The following COL21A1 variants were observed in gnomAD, a reference collection of about 807,000 sequenced individuals.
COL21A1 encodes collagen alpha-1(XXI) chain.
A neutral mutation model predicts 137.9 loss-of-function variants in COL21A1; 149 were observed. That is an observed-to-expected ratio of 1.08 (90% confidence interval 0.95 to 1.24). COL21A1 has a LOEUF of 1.24. Among genes scored for constraint, COL21A1 ranks in the 50% most tolerant of loss-of-function variants. COL21A1 has a pLI of 0.00. For synonymous variants in COL21A1, 456 were observed against 391.5 expected (o/e 1.16, Z -1.95); for missense variants, 1,167 against 1,158.4 (o/e 1.01, Z -0.11).
intron 16 of COL21A1, among the ~76,000 whole-genome samples, chr6:56,105,306 T>G (rs986879540): frequency 6.6e-6 from 1 of 152,172 alleles, no homozygotes; most frequent in Non-Finnish European, 1.5e-5. Context: ...AATAAGAGCC[T>G]TTGTGAAAAT....
intron 1 of COL21A1, among the ~76,000 whole-genome samples, chr6:56,238,155 T>A (rs1021224567): frequency 3.9e-5 from 6 of 152,018 alleles, no homozygotes; most frequent in Non-Finnish European, 7.4e-5. Context: ...CAGCAATTGA[T>A]TAGGGCTGGG....
intron 1 of COL21A1, among the ~76,000 whole-genome samples, chr6:56,225,531 G>A (rs9464363): frequency 0.014 from 2,092 of 152,110 alleles, 46 homozygotes; most frequent in African/African-American, 0.047. Context: ...CCTGGTATTT[G>A]GCTGCCTACA....
chr6:56,087,556 T>C (rs556665918), intron 17 of COL21A1, among the ~76,000 whole-genome samples: 4 of 152,254 alleles, frequency 2.6e-5, no homozygotes, highest in Admixed American at 2.0e-4. Context: ...ATGGAACCAA[T>C]CCAGAAAAAG....
intron 10 of COL21A1, among the ~76,000 whole-genome samples, chr6:56,146,549 C>T (rs916517266): frequency 3.3e-5 from 5 of 152,028 alleles, no homozygotes; most frequent in East Asian, 1.9e-4. Flanking sequence ...TAAAATTACA[C>T]CTGAGCTAAG....
intron 1 of COL21A1, among the ~76,000 whole-genome samples, chr6:56,344,476 C>CATT (rs1379196838): frequency 6.6e-6 from 1 of 152,066 alleles, no homozygotes; most frequent in Non-Finnish European, 1.5e-5. Flanking sequence ...TACAAAACAA[C>CATT]ATTTTTCTGT....
chr6:56,195,824 TC>T lies in COL21A1; in HGVS notation c.-38-13169del, dbSNP rs1226280960. On this transcript the variant is annotated intron_variant, in intron 1 of 29. Transcript: ENST00000244728. ...TTAAAAGGAGAATTAATGCCAATTCTCCCCAAACTCTTCCAAAAAATTAAAG... is the reference window on the plus strand; with the variant it reads ...TTAAAAGGAGAATTAATGCCAATTCTCCCAAACTCTTCCAAAAAATTAAAG... Among the ~76,000 whole-genome samples the T allele has an allele frequency of 2.6e-5, 4 of 152,090 alleles. No individual in the cohort carries two copies. In the South Asian group the frequency reaches 8.3e-4, roughly 32 times the overall value.
At chr6:56,190,019 A>C (rs1778554627) in intron 1 of COL21A1, among the ~76,000 whole-genome samples, 1 of 152,154 alleles carries the variant, frequency 6.6e-6, no homozygotes, top group Non-Finnish European at 1.5e-5. Context: ...AAAAACATAC[A>C]CAATTGTAAA....
intron 18 of COL21A1, among the ~76,000 whole-genome samples, chr6:56,076,596 T>A (rs1486938789): frequency 6.6e-6 from 1 of 151,360 alleles, no homozygotes; most frequent in Non-Finnish European, 1.5e-5. Flanking sequence ...GTGTTTATCA[T>A]TTTTAAAAAA....
chr6:56,077,712 A>G (rs1032324934), intron 17 of COL21A1, 139 bp from the exon 18 acceptor site: 16 of 560,454 alleles, frequency 2.9e-5, no homozygotes, highest in Non-Finnish European at 4.3e-5. Flanking sequence ...TGCTATTTGT[A>G]ATAATCCAAT....
At chr6:56,238,414 C>T (rs909970259) in intron 1 of COL21A1, among the ~76,000 whole-genome samples, 55 of 145,506 alleles carry the variant, frequency 3.8e-4, no homozygotes, top group Admixed American at 1.0e-3. Context: ...GATGCTGAAA[C>T]TCGGGGCAGT....
chr6:56,122,545 A>T (rs1772646007), intron 16 of COL21A1, among the ~76,000 whole-genome samples: 1 of 152,146 alleles, frequency 6.6e-6, no homozygotes, highest in African/African-American at 2.4e-5. Context: ...CTAAAAATTG[A>T]CTCTAATGAG....
chr6:56,057,224 A>G lies in COL21A1; in HGVS notation c.*433T>C, dbSNP rs2114009745. The G allele has an allele frequency of 4.2e-6, 1 of 239,522 alleles. No homozygotes were observed. Among genetic ancestry groups the G allele is most frequent in the Non-Finnish European group, 8.0e-6 (1 of 124,848 alleles). The allele number at this position is 239,522 out of a possible 1,614,324, so 14.8% of individuals were successfully genotyped here. On this transcript the variant is annotated 3_prime_UTR_variant, in exon 30 of 30. Coordinates refer to ENST00000244728, the MANE Select transcript of COL21A1 (RefSeq NM_030820.4). ...AATATCAGCCCTGATCTTACTTCCA[A>G]TGATGAGATACATGTTTTGGCTTAT...
At chr6:56,165,098 C>T (rs922034647) in intron 7 of COL21A1, among the ~76,000 whole-genome samples, 5 of 151,840 alleles carry the variant, frequency 3.3e-5, no homozygotes, top group African/African-American at 7.3e-5. Context: ...AATAGCCATG[C>T]AAGATTAAAA....
intron 1 of COL21A1, among the ~76,000 whole-genome samples, chr6:56,243,060 A>G (rs533743485): frequency 2.4e-4 from 37 of 152,132 alleles, no homozygotes; most frequent in Middle Eastern, 6.8e-3. Flanking sequence ...TAAGAATGAC[A>G]TCTCCAAACC....
chr6:56,335,110 G>C (rs1044257342), intron 1 of COL21A1, among the ~76,000 whole-genome samples: 7 of 152,086 alleles, frequency 4.6e-5, no homozygotes, highest in Non-Finnish European at 1.0e-4. Flanking sequence ...CTGGGCTAAC[G>C]ATAGATGATG....
At chr6:56,230,696 A>G (rs1162473074) in intron 1 of COL21A1, among the ~76,000 whole-genome samples, 2 of 151,884 alleles carry the variant, frequency 1.3e-5, no homozygotes, top group Non-Finnish European at 2.9e-5. Flanking sequence ...ATGAGTATCT[A>G]ACTCCTTACC....
intron 24 of COL21A1, among the ~76,000 whole-genome samples, chr6:56,062,888 A>C (rs753206204): frequency 1.8e-4 from 28 of 152,156 alleles, no homozygotes; most frequent in Admixed American, 3.3e-4. Flanking sequence ...AGCTAAAACT[A>C]AAAAGAGCTG....
rs1001061990 is a variant in COL21A1, at chr6:56,357,979, G to A, written c.-39+35992C>T. On this transcript the variant is annotated intron_variant, in intron 1 of 28. Coordinates refer to the COL21A1 transcript ENST00000370819. ...CGTTTAGAAATACCTCAATTTCTTCGTACTTACCTTTTTATACATGCACAA... is the reference window on the plus strand; with the variant it reads ...CGTTTAGAAATACCTCAATTTCTTCATACTTACCTTTTTATACATGCACAA... Among the ~76,000 whole-genome samples, 5 of 152,250 alleles carry A rather than the reference G, an allele frequency of 3.3e-5. No individual in the cohort carries two copies. In the East Asian group the frequency reaches 5.8e-4, roughly 18 times the overall value.
chr6:56,193,307 TAATAAAA>T (rs1778816230), intron 1 of COL21A1, among the ~76,000 whole-genome samples: 2 of 152,004 alleles, frequency 1.3e-5, no homozygotes, highest in South Asian at 4.2e-4. Context: ...ACTTAAAGTA[TAATAAAA>T]AATAAAAATT....
Sources: gnomAD v4.1 joint callset for allele counts (sites outside exome capture counted in the v4.1 genomes callset) on GRCh38, gnomAD v4.1.1 for gene constraint, MANE v1.5 for transcripts, NCBI Gene and HGNC (gene_info 2026-07-23, HGNC 2026-07-21) for gene names.